Variants in ZNF225 observed in about 807,000 individuals in gnomAD.
ZNF225 encodes zinc finger protein 225.
ZNF225 carries 6 observed loss-of-function variants against 12.0 expected under a neutral mutation model. The observed-to-expected ratio is 0.50, with a 90% CI of 0.27 to 0.98. The LOEUF is 0.98. Ranked by LOEUF, ZNF225 falls within the 50% of genes least tolerant of loss-of-function variation. The pLI, the probability that ZNF225 is intolerant of heterozygous loss-of-function variation, is 0.11. For synonymous variants in ZNF225, 271 were observed against 283.2 expected, an observed-to-expected ratio of 0.96 and a Z score of 0.43; for missense variants, 763 against 848.2, an observed-to-expected ratio of 0.90 and a Z score of 1.25.
intron 4 of ZNF225, among the ~76,000 whole-genome samples, chr19:44,124,176 A>G (rs149644825): frequency 6.6e-6 from 1 of 152,214 alleles, no homozygotes; most frequent in African/African-American, 2.4e-5. Context: ...TCTTAGCACC[A>G]TCTTAGCTGT....
chr19:44,129,199 T>C (rs780384847), intron 4 of ZNF225: 7 of 880,140 alleles, frequency 8.0e-6, no homozygotes, highest in Non-Finnish European at 9.0e-6. Context: ...ACATAAATAC[T>C]CCTAGGTATT....
At chr19:44,122,929 C>T (rs1023324256) in intron 4 of ZNF225, among the ~76,000 whole-genome samples, 2 of 152,122 alleles carry the variant, frequency 1.3e-5, no homozygotes, top group African/African-American at 4.8e-5. Context: ...TGTAGATGAT[C>T]ATATCATTAG....
At chr19:44,125,146 G>T (rs939309370) in intron 4 of ZNF225, among the ~76,000 whole-genome samples, 1 of 152,158 alleles carries the variant, frequency 6.6e-6, no homozygotes, top group Non-Finnish European at 1.5e-5. Flanking sequence ...TGTGATTTAT[G>T]CTTTAAAGAG....
In ZNF225 at chr19:44,118,472, AC is replaced by A. The variant is rs755213333; in HGVS notation, c.143-9del. 6 of 1,613,458 alleles carry A rather than the reference AC, an allele frequency of 3.7e-6. No individual in the cohort carries two copies. The African/African-American group carries it at 8.0e-5, about 22-fold the overall frequency. ...ATTGGCACTAAGCACATGACTTTTC[AC>A]GTTCACAGGGCATCAATCACTCCAC... On this transcript the variant is annotated splice_polypyrimidine_tract_variant and intron_variant, in intron 3 of 4. Transcript: ENST00000262894.
At position 44,132,400 on chromosome 19, in the gene ZNF225, T is replaced by A. The variant is rs1968295720; in HGVS notation, c.1786T>A (p.Phe596Ile). ...HKRLHGDEKPFKCEECGKRFT... is the reference protein window; with the variant it reads ...HKRLHGDEKPIKCEECGKRFT... ...GAGACTCCATGGTGATGAAAAGCCA[T>A]TCAAATGTGAAGAGTGTGGGAAGAG... Residue 596 changes from phenylalanine to isoleucine, a missense_variant, in exon 5 of 5, where the codon TTC becomes ATC. Coordinates refer to ENST00000262894, the MANE Select transcript of ZNF225 (RefSeq NM_013362.4). 1.2e-6 allele frequency: 2 copies of A among 1,614,120 alleles called. No homozygotes were observed. The highest frequency in any genetic ancestry group is 3.3e-5 in the Admixed American group (2 of 60,002).
In ZNF225 at chr19:44,118,494, T is replaced by C; in HGVS notation, c.155T>C (p.Leu52Pro). 6.2e-7 allele frequency: 1 copy of C among 1,613,534 alleles called. No homozygotes were observed. Among genetic ancestry groups the C allele is most frequent in the Non-Finnish European group, 8.5e-7 (1 of 1,179,674 alleles). ...RNLLSVGHQSLHRDTFHFLKE... is the reference protein window; with the variant it reads ...RNLLSVGHQSPHRDTFHFLKE... Reference sequence around the variant, plus strand: ...TTCACGTTCACAGGGCATCAATCACTCCACAGAGATACTTTCCACTTCCTA... The same window carrying C: ...TTCACGTTCACAGGGCATCAATCACCCCACAGAGATACTTTCCACTTCCTA... The change falls in exon 4 of 5, where the codon CTC (leucine) becomes CCC (proline). Residue 52 changes from leucine to proline, a missense_variant. Leu to Pro is a moderately conservative substitution (Grantham distance 98). Transcript: ENST00000262894.
intron 1 of ZNF225, chr19:44,115,451 A>G (rs527786809): frequency 2.6e-4 from 45 of 172,288 alleles, no homozygotes; most frequent in South Asian, 6.8e-4. Context: ...ATCATGCAAT[A>G]TGTGGGCCTT....
chr19:44,127,902 A>G (rs908295001), intron 4 of ZNF225, among the ~76,000 whole-genome samples: 3 of 152,132 alleles, frequency 2.0e-5, no homozygotes, highest in African/African-American at 7.2e-5. Context: ...TCGGCCTCCC[A>G]AAGTGCTGGG....
Position 44,118,471 on chromosome 19 carries a change from C to T in ZNF225, c.143-11C>T. The T allele has an allele frequency of 6.2e-7, 1 of 1,613,492 alleles. No homozygotes were observed. Among genetic ancestry groups the T allele is most frequent in the Non-Finnish European group, 8.5e-7 (1 of 1,179,656 alleles). On this transcript the variant is annotated splice_polypyrimidine_tract_variant and intron_variant, in intron 3 of 4. Transcript: ENST00000262894. ...TATTGGCACTAAGCACATGACTTTT[C>T]ACGTTCACAGGGCATCAATCACTCC...
chr19:44,125,677 T>G (rs1968133853), intron 4 of ZNF225, among the ~76,000 whole-genome samples: 1 of 152,216 alleles, frequency 6.6e-6, no homozygotes, highest in Admixed American at 6.5e-5. Flanking sequence ...CTGATTATTC[T>G]TAGGTTTGGT....
rs747907664 is a variant in ZNF225, at chr19:44,118,174, G to A, written c.16-14G>A. The A allele has an allele frequency of 1.2e-6, 2 of 1,607,042 alleles. No homozygotes were observed. Among genetic ancestry groups the A allele is most frequent in the Non-Finnish European group, 8.5e-7 (1 of 1,176,860 alleles). ...TGGTCATGAGACTGAGGTTGCATAT[G>A]TTCGATGCTGTAGGAGGCAGTGACC... On this transcript the variant is annotated splice_polypyrimidine_tract_variant and intron_variant, in intron 2 of 4. Transcript: ENST00000262894.
At chr19:44,118,071 CTA>C in intron 2 of ZNF225, 115 bp from the exon 3 acceptor site, 1 of 1,116,412 alleles carries the variant, frequency 9.0e-7, no homozygotes, top group Non-Finnish European at 1.2e-6. Context: ...GTGTGTTGAC[CTA>C]TGTCTCTCAA....
intron 4 of ZNF225, among the ~76,000 whole-genome samples, chr19:44,125,586 G>C (rs1235841630): frequency 6.6e-6 from 1 of 152,182 alleles, no homozygotes; most frequent in Non-Finnish European, 1.5e-5. Flanking sequence ...TAGGTGTCTA[G>C]CAAGGCTGGG....
chr19:44,123,032 A>C (rs1189141735), intron 4 of ZNF225, among the ~76,000 whole-genome samples: 1 of 152,034 alleles, frequency 6.6e-6, no homozygotes, highest in Non-Finnish European at 1.5e-5. Flanking sequence ...TTCCAGTACT[A>C]TGTTGAGGAG....
chr19:44,115,859 T>G lies in ZNF225; in HGVS notation c.15+17T>G. 6.2e-7 allele frequency: 1 copy of G among 1,611,480 alleles called. No individual in the cohort carries two copies. Among genetic ancestry groups the G allele is most frequent in the South Asian group, 1.1e-5 (1 of 90,614 alleles). ...ACGTTGAAGGTGAGTAGAGCTTGCC[T>G]CTCTTGCTGTTAAAATTTCTTTTAT... On this transcript the variant is annotated intron_variant, in intron 2 of 4. Transcript: ENST00000262894.
At chr19:44,113,004 T>G (rs1967860640), upstream of ZNF225, 1 of 152,078 alleles carries the variant, frequency 6.6e-6, no homozygotes, top group Non-Finnish European at 1.5e-5. Flanking sequence ...CATTCCCCAC[T>G]AGGCAGGCGC....
chr19:44,122,872 T>G (rs982620975), intron 4 of ZNF225, among the ~76,000 whole-genome samples: 1 of 152,206 alleles, frequency 6.6e-6, no homozygotes, highest in African/African-American at 2.4e-5. Context: ...TGCTGAATTC[T>G]TTTATCAGTT....
chr19:44,118,647 CTGT>C, intron 4 of ZNF225, 73 bp downstream of exon 4: 1 of 1,454,250 alleles, frequency 6.9e-7, no homozygotes, highest in Non-Finnish European at 9.5e-7. Context: ...TTGCCCAGCT[CTGT>C]TGTCCTGGTC....
chr19:44,118,851 G>C lies in ZNF225; in HGVS notation c.235+277G>C, dbSNP rs375354675. 3.0e-4 allele frequency among the ~76,000 whole-genome samples: 44 copies of C among 149,050 alleles called. No homozygotes were observed. The East Asian group carries it at 5.1e-3, about 17-fold the overall frequency. On this transcript the variant is annotated intron_variant, in intron 4 of 4. Coordinates refer to ENST00000262894, the MANE Select transcript of ZNF225 (RefSeq NM_013362.4). ...TTTTTTTTTGAGATGGAGTCTCGCT[G>C]TGTCGCCCAGGCTGGAGTGCAGTGG... is the stretch of plus-strand genomic sequence containing the variant.
Sources: allele counts gnomAD v4.1 joint callset (sites outside exome capture counted in the v4.1 genomes callset), GRCh38; gene constraint gnomAD v4.1.1; transcripts MANE v1.5; gene names NCBI Gene and HGNC (gene_info 2026-07-23, HGNC 2026-07-21).